KLRK1: variants seen among roughly 807,000 people sequenced by gnomAD.
KLRK1 encodes the protein NKG2-D type II integral membrane protein.
Under a neutral mutation model 31.3 loss-of-function variants are expected in KLRK1, and 40 were observed. The observed-to-expected ratio is 1.28, with a 90% CI of 0.99 to 1.67. KLRK1 has a LOEUF of 1.67. Among genes scored for constraint, KLRK1 ranks in the 40% most tolerant of loss-of-function variants. The probability of loss-of-function intolerance (pLI) is 0.00; values close to 1 mark genes in which losing one functional copy is unlikely to be tolerated. For synonymous variants in KLRK1, 77 were observed against 77.3 expected, an observed-to-expected ratio of 1.00 and a Z score of 0.02; for missense variants, 251 against 260.0, an observed-to-expected ratio of 0.97 and a Z score of 0.24.
In KLRK1 at chr12:10,373,136, A is replaced by G; in HGVS notation, c.629T>C (p.Ile210Thr). The G allele has an allele frequency of 6.2e-7, 1 of 1,612,592 alleles. No homozygotes were observed. Among genetic ancestry groups the G allele is most frequent in the Non-Finnish European group, 8.5e-7 (1 of 1,179,410 alleles). The change falls in exon 8 of 8, where the codon ATC becomes ACC. Residue 210 changes from isoleucine (I) to threonine (T), a missense_variant. Coordinates refer to ENST00000240618, the MANE Select transcript of KLRK1 (RefSeq NM_007360.4). ...IENCSTPNTY[I>T]CMQRTV ...TCTTTACACAGTCCTTTGCATGCAG[A>G]TGTACGTATTTGGAGTTGAACAGTT...
intron 2 of KLRK1, among the ~76,000 whole-genome samples, chr12:10,387,855 T>C (rs1002195826): frequency 3.3e-5 from 5 of 152,164 alleles, no homozygotes; most frequent in African/African-American, 1.2e-4. Flanking sequence ...CATCTAATTT[T>C]CTTTATAATG....
intron 7 of KLRK1, among the ~76,000 whole-genome samples, chr12:10,377,296 C>T (rs909352894): frequency 6.6e-5 from 10 of 152,106 alleles, no homozygotes; most frequent in Non-Finnish European, 1.3e-4. Context: ...ATGATTCAGC[C>T]ATTTTGTTTC....
Position 10,386,938 on chromosome 12 carries a change from C to T in KLRK1, c.113G>A (p.Arg38Lys). ...ACATTTGCTTTTGACTACTGGACAT[C>T]TTTGCTTTTGCCATCGTGTTGAAAA... is the stretch of plus-strand genomic sequence containing the variant. ...SDFSTRWQKQ[R>K]CPVVKSKCRE... is the part of the protein sequence containing the mutation. Residue 38 changes from arginine (R) to lysine (K), a missense_variant, in exon 3 of 8, where the codon AGA becomes AAA. Coordinates refer to ENST00000240618, the MANE Select transcript of KLRK1 (RefSeq NM_007360.4). The T allele has an allele frequency of 6.2e-7, 1 of 1,611,932 alleles. No individual in the cohort carries two copies. Among genetic ancestry groups the T allele is most frequent in the Non-Finnish European group, 8.5e-7 (1 of 1,178,998 alleles).
At position 10,373,122 on chromosome 12, in the gene KLRK1, T is replaced by C. The variant is rs780833652; in HGVS notation, c.643A>G (p.Thr215Ala). The part of the protein sequence containing the change: ...TPNTYICMQR[T>A]V Reference sequence around the variant, plus strand: ...GAGATGGTTGATCATCTTTACACAGTCCTTTGCATGCAGATGTACGTATTT... The same window carrying C: ...GAGATGGTTGATCATCTTTACACAGCCCTTTGCATGCAGATGTACGTATTT... The change falls in exon 8 of 8, where the codon ACT becomes GCT. Residue 215 changes from threonine (T) to alanine (A), a missense_variant. By Grantham distance (58) the Thr-to-Ala change is moderately conservative. Coordinates refer to ENST00000240618, the MANE Select transcript of KLRK1 (RefSeq NM_007360.4). 1 of 1,612,380 alleles carries C rather than the reference T, an allele frequency of 6.2e-7. No homozygotes were observed. The highest frequency in any genetic ancestry group is 8.5e-7 in the Non-Finnish European group (1 of 1,179,232).
At chr12:10,373,595 T>C (rs1406066402) in intron 7 of KLRK1, among the ~76,000 whole-genome samples, 4 of 152,138 alleles carry the variant, frequency 2.6e-5, no homozygotes, top group Non-Finnish European at 5.9e-5. Context: ...TGTGGAAAAA[T>C]AAAACATTTT....
chr12:10,388,493 T>C lies in KLRK1; in HGVS notation c.40+278A>G, dbSNP rs115714179. ...GAGAGCGGTAAAAGTTTGAGTAAAATTCAAGTCTGACTCCACATCTATTTC... is the reference window on the plus strand; with the variant it reads ...GAGAGCGGTAAAAGTTTGAGTAAAACTCAAGTCTGACTCCACATCTATTTC... On this transcript the variant is annotated intron_variant, in intron 2 of 7. Transcript: ENST00000240618. Among the ~76,000 whole-genome samples the C allele has an allele frequency of 8.3e-3, 1,258 of 152,242 alleles. 21 individuals are homozygous for C. Among genetic ancestry groups the C allele is most frequent in the African/African-American group, 0.028 (1,177 of 41,520 alleles).
At position 10,386,907 on chromosome 12, in the gene KLRK1, T is replaced by C; in HGVS notation, c.144A>G (p.Glu48=). The C allele has an allele frequency of 1.2e-6, 2 of 1,611,832 alleles. No homozygotes were observed. The highest frequency in any genetic ancestry group is 1.7e-6 in the Non-Finnish European group (2 of 1,178,970). Residue 48 remains glutamate, a synonymous_variant, in exon 3 of 8, where the codon GAA becomes GAG. Transcript: ENST00000240618. ...CAAATGGAACATAGGACTTACCATT[T>C]TCTCTACATTTGCTTTTGACTACTG... ...RCPVVKSKCR[E]NASPFFFCCF...
intron 7 of KLRK1, among the ~76,000 whole-genome samples, chr12:10,374,808 C>T (rs140710895): frequency 6.6e-6 from 1 of 152,176 alleles, no homozygotes. Context: ...GTAACTACAT[C>T]TCTGACTAGA....
At chr12:10,388,913 C>A in intron 1 of KLRK1, 38 bp from the exon 2 acceptor site, 1 of 1,422,820 alleles carries the variant, frequency 7.0e-7, no homozygotes, top group Non-Finnish European at 9.7e-7. Flanking sequence ...TTTTTGTTCT[C>A]TTTCCCGTGG....
At chr12:10,387,693 G>C (rs972359984) in intron 2 of KLRK1, among the ~76,000 whole-genome samples, 4 of 151,448 alleles carry the variant, frequency 2.6e-5, no homozygotes, top group Non-Finnish European at 5.9e-5. Context: ...TTACAGGCTT[G>C]TGCCACCATA....
chr12:10,375,282 A>C (rs1328874474), intron 7 of KLRK1, among the ~76,000 whole-genome samples: 1 of 152,222 alleles, frequency 6.6e-6, no homozygotes, highest in Non-Finnish European at 1.5e-5. Context: ...GCACTTTTTT[A>C]GTCATTTAAT....
chr12:10,373,490 C>T (rs1050392533), intron 7 of KLRK1, among the ~76,000 whole-genome samples: 3 of 151,768 alleles, frequency 2.0e-5, no homozygotes, highest in Non-Finnish European at 2.9e-5. Flanking sequence ...ATATGTATAC[C>T]CAAGTTAAAT....
At position 10,378,135 on chromosome 12, in the gene KLRK1, T is replaced by C. The variant is rs2306182; in HGVS notation, c.530A>G (p.Asn177Ser). Reference protein sequence around the residue: ...QWEDGSILSPNLLTIIEMQKG... With the variant: ...QWEDGSILSPSLLTIIEMQKG... ...ACTCATTGGGTCAGAGACTTACAGG[T>C]TGGGTGAGAGAATGGAGCCATCTTC... is the stretch of plus-strand genomic sequence containing the variant. Residue 177 changes from asparagine to serine, a missense_variant, in exon 7 of 8, where the codon AAC becomes AGC. Transcript: ENST00000240618. 2.8e-4 allele frequency: 445 copies of C among 1,613,778 alleles called. 7 individuals carry two copies. The East Asian group carries it at 9.9e-3, about 36-fold the overall frequency.
chr12:10,386,558 TATA>T (rs1863170341), intron 3 of KLRK1, among the ~76,000 whole-genome samples: 1 of 152,018 alleles, frequency 6.6e-6, no homozygotes, highest in South Asian at 2.1e-4. Context: ...CTACCACTTC[TATA>T]ATGTTTAGGA....
intron 3 of KLRK1, among the ~76,000 whole-genome samples, chr12:10,385,801 T>C (rs1419288661): frequency 1.3e-5 from 2 of 152,050 alleles, no homozygotes; most frequent in African/African-American, 4.8e-5. Context: ...GTTGAGGTGA[T>C]GGGTGTGCTA....
chr12:10,375,742 T>C (rs1370974532), intron 7 of KLRK1, among the ~76,000 whole-genome samples: 1 of 152,236 alleles, frequency 6.6e-6, no homozygotes, highest in Non-Finnish European at 1.5e-5. Flanking sequence ...CTGAACAGTG[T>C]AGTGACAGGT....
At chr12:10,378,456 G>C in intron 6 of KLRK1, 98 bp downstream of exon 6, 1 of 1,547,282 alleles carries the variant, frequency 6.5e-7, no homozygotes, top group South Asian at 1.2e-5. Flanking sequence ...GAATAACCAA[G>C]TCACAGTGTC....
chr12:10,380,853 C>T (rs369564662), intron 3 of KLRK1, among the ~76,000 whole-genome samples: 27 of 152,266 alleles, frequency 1.8e-4, no homozygotes, highest in African/African-American at 6.3e-4. Flanking sequence ...CAGCACTGCA[C>T]CATTTTGAGA....
intron 3 of KLRK1, among the ~76,000 whole-genome samples, chr12:10,383,934 ACAAAAAT>A (rs1863121110): frequency 6.6e-6 from 1 of 152,126 alleles, no homozygotes; most frequent in African/African-American, 2.4e-5. Flanking sequence ...AAATCTGCAT[ACAAAAAT>A]CAGTAGTGTT....
Sources: allele counts gnomAD v4.1 joint callset (sites outside exome capture counted in the v4.1 genomes callset), GRCh38; gene constraint gnomAD v4.1.1; transcripts MANE v1.5; gene names NCBI Gene and HGNC (gene_info 2026-07-23, HGNC 2026-07-21).